Variants in OVCH1 observed in about 807,000 individuals in gnomAD.
OVCH1 encodes ovochymase-1.
A neutral mutation model predicts 138.4 loss-of-function variants in OVCH1; 139 were observed. The observed-to-expected ratio is 1.00, with a 90% CI of 0.87 to 1.16. The LOEUF (loss-of-function observed/expected upper bound fraction) is 1.16. Ranked by LOEUF, OVCH1 falls within the 50% of genes most tolerant of loss-of-function variation. OVCH1 has a pLI of 0.00. For missense variants in OVCH1, 1,367 were observed against 1,357.9 expected, an observed-to-expected ratio of 1.01 and a Z score of -0.11; for synonymous variants, 453 against 467.8, an observed-to-expected ratio of 0.97 and a Z score of 0.41.
At chr12:29,442,835 G>A (rs1941522694) in intron 25 of OVCH1, among the ~76,000 whole-genome samples, 2 of 151,576 alleles carry the variant, frequency 1.3e-5, no homozygotes, top group East Asian at 1.9e-4. Flanking sequence ...CCATCAAAGA[G>A]AAAAATAGGT....
intron 3 of OVCH1, among the ~76,000 whole-genome samples, chr12:29,422,184 A>C (rs1311266558): frequency 6.6e-6 from 1 of 152,194 alleles, no homozygotes. Flanking sequence ...TTAGTATCCA[A>C]CCTGCAAAAA....
chr12:29,444,144 C>T lies in OVCH1; in HGVS notation c.3017+1G>A. ...CATTATAATAATCATGACTTCCTTA[C>T]CCCATAGTAGTTCTGTGAGAATTTC... On this transcript the variant is annotated splice_donor_variant, in intron 24 of 27. Coordinates refer to ENST00000318184, the Ensembl canonical transcript of OVCH1. LOFTEE classifies it high-confidence loss of function. 2 of 1,603,430 alleles carry T rather than the reference C, an allele frequency of 1.2e-6. No individual in the cohort carries two copies. Among genetic ancestry groups the T allele is most frequent in the Non-Finnish European group, 1.7e-6 (2 of 1,175,744 alleles).
intron 4 of OVCH1, chr12:29,412,616 G>T (rs1464492662): frequency 1.3e-5 from 2 of 152,140 alleles, no homozygotes; most frequent in African/African-American, 4.8e-5. Flanking sequence ...GGAGGAGGTG[G>T]TACATATACT....
intron 21 of OVCH1, 93 bp downstream of exon 21, chr12:29,454,748 T>C (rs566818715): frequency 7.3e-6 from 8 of 1,092,414 alleles, no homozygotes; most frequent in Non-Finnish European, 9.5e-6. Flanking sequence ...GAGGTTATAG[T>C]GTTCCATAGA....
rs558903739 is a variant in OVCH1 at position 29,436,427 on chromosome 12, G to C, written c.3265-2614C>G. Reference sequence around the variant, plus strand: ...CTTCAAAATTGTTGTCAATTTAGCAGTTAAATTTTCTCATTTGTTTTAAAA... The same window carrying C: ...CTTCAAAATTGTTGTCAATTTAGCACTTAAATTTTCTCATTTGTTTTAAAA... On this transcript the variant is annotated intron_variant, in intron 26 of 27. Transcript: ENST00000318184. Among the ~76,000 whole-genome samples the C allele has an allele frequency of 1.8e-3, 270 of 152,142 alleles. 2 individuals are homozygous for C. The highest frequency in any genetic ancestry group is 1.9e-3 in the Non-Finnish European group (132 of 67,980).
intron 16 of OVCH1, among the ~76,000 whole-genome samples, chr12:29,468,142 T>C (rs1358823632): frequency 2.6e-5 from 4 of 152,180 alleles, no homozygotes; most frequent in Admixed American, 1.3e-4. Flanking sequence ...TATATGCATG[T>C]ACGTTTAAAT....
intron 25 of OVCH1, among the ~76,000 whole-genome samples, chr12:29,442,826 C>G (rs1358372324): frequency 1.3e-5 from 2 of 151,454 alleles, no homozygotes; most frequent in African/African-American, 4.8e-5. Context: ...GAAATTCTGC[C>G]ATCAAAGAGA....
chr12:29,473,102 C>G (rs1331452388), exon 15 of OVCH1: 4 of 1,595,774 alleles, frequency 2.5e-6, no homozygotes, highest in Middle Eastern at 1.7e-4. Flanking sequence ...TGTTTAAAGA[C>G]TCTGTAGAAG....
At chr12:29,469,371 C>CA (rs369261987) in intron 16 of OVCH1, among the ~76,000 whole-genome samples, 27 of 151,568 alleles carry the variant, frequency 1.8e-4, no homozygotes, top group Non-Finnish European at 2.2e-4. Context: ...GGATGTTCTA[C>CA]AAAAAAAACA....
chr12:29,413,622 A>G (rs1256654539), intron 3 of OVCH1, among the ~76,000 whole-genome samples: 2 of 152,076 alleles, frequency 1.3e-5, no homozygotes, highest in Admixed American at 6.6e-5. Flanking sequence ...ATGTGTTTAT[A>G]TATAAACAAT....
At chr12:29,493,374 T>C (rs919245850) in intron 4 of OVCH1, among the ~76,000 whole-genome samples, 10 of 152,174 alleles carry the variant, frequency 6.6e-5, no homozygotes, top group African/African-American at 2.4e-4. Context: ...TGTCTAGATA[T>C]ATAATTATTT....
intron 13 of OVCH1, 38 bp from the exon 14 acceptor site, chr12:29,475,227 T>C (rs1942663883): frequency 2.2e-6 from 3 of 1,362,486 alleles, no homozygotes; most frequent in Non-Finnish European, 2.9e-6. Flanking sequence ...TATAGTTATA[T>C]TTTTAAAAAA....
At chr12:29,461,999 A>G (rs1157573575) in exon 19 of OVCH1, 2 of 1,611,772 alleles carry the variant, frequency 1.2e-6, no homozygotes, top group Non-Finnish European at 1.7e-6. Flanking sequence ...GCGACTTGCT[A>G]GGCCACCATC....
exon 23 of OVCH1, chr12:29,445,319 C>T (rs373361800): frequency 2.3e-4 from 371 of 1,611,980 alleles, no homozygotes; most frequent in Middle Eastern, 1.2e-3. Context: ...AAATGCACCT[C>T]GTACAAGGGC....
At chr12:29,427,363 C>A (rs1192361856), downstream of OVCH1, among the ~76,000 whole-genome samples, 1 of 152,106 alleles carries the variant, frequency 6.6e-6, no homozygotes. Flanking sequence ...GTAGAAGAGA[C>A]AAATTATAAA....
chr12:29,493,270 G>A (rs1943320814), intron 4 of OVCH1, among the ~76,000 whole-genome samples: 1 of 152,138 alleles, frequency 6.6e-6, no homozygotes. Context: ...TACTGCTGTT[G>A]AGAAGTCAAT....
chr12:29,466,577 T>C (rs915014414), intron 16 of OVCH1, among the ~76,000 whole-genome samples: 16 of 152,170 alleles, frequency 1.1e-4, no homozygotes, highest in African/African-American at 3.6e-4. Flanking sequence ...GAAATCAGAA[T>C]GCTGATTACT....
At chr12:29,478,228 A>G (rs73069531) in intron 9 of OVCH1, among the ~76,000 whole-genome samples, 1,971 of 152,328 alleles carry the variant, frequency 0.013, 32 homozygotes, top group Middle Eastern at 0.054. Flanking sequence ...GAAATGATCA[A>G]TTGTGTTATG....
At chr12:29,406,434 A>G in the OVCH1 span, among the ~76,000 whole-genome samples, 2 of 152,092 alleles carry the variant, frequency 1.3e-5, no homozygotes, top group African/African-American at 2.4e-5. Flanking sequence ...AGCATTAGGT[A>G]TATCTCCCAA....
Sources: gnomAD v4.1 joint callset for allele counts (sites outside exome capture counted in the v4.1 genomes callset) on GRCh38, gnomAD v4.1.1 for gene constraint, MANE v1.5 for transcripts, NCBI Gene and HGNC (gene_info 2026-07-23, HGNC 2026-07-21) for gene names.